The following PRKN variants were observed in gnomAD, a reference collection of about 807,000 sequenced individuals.
The protein encoded by PRKN is parkin RBR E3 ubiquitin protein ligase, also known as E3 ubiquitin-protein ligase parkin.
Under a neutral mutation model 59.5 loss-of-function variants are expected in PRKN, and 56 were observed. The ratio of observed to expected loss-of-function variants is 0.94; its 90% CI spans 0.76 to 1.18. The LOEUF (loss-of-function observed/expected upper bound fraction) is 1.18, where lower values mean the gene tolerates loss of function less well. Among genes scored for constraint, PRKN ranks in the 50% most tolerant of loss-of-function variants. The probability of loss-of-function intolerance (pLI) is 0.00; values close to 1 mark genes in which losing one functional copy is unlikely to be tolerated. For synonymous variants in PRKN, 250 were observed against 222.1 expected, an observed-to-expected ratio of 1.13 and a Z score of -1.12; for missense variants, 657 against 596.4, an observed-to-expected ratio of 1.10 and a Z score of -1.06.
rs1038286313 is a variant in PRKN, at chr6:161,730,625, G to A, written c.871+55147C>T. 4.0e-5 allele frequency among the ~76,000 whole-genome samples: 6 copies of A among 151,714 alleles called. 1 individual carries two copies. Among genetic ancestry groups the A allele is most frequent in the African/African-American group, 1.5e-4 (6 of 41,182 alleles). ...TTTCTGATACATCACATTCTGATGTGTTGCATTCTTTCTGATGTGTTGCCC... is the reference window on the plus strand; with the variant it reads ...TTTCTGATACATCACATTCTGATGTATTGCATTCTTTCTGATGTGTTGCCC... On this transcript the variant is annotated intron_variant, in intron 7 of 11. Coordinates refer to ENST00000366898, the MANE Select transcript of PRKN (RefSeq NM_004562.3).
At chr6:162,454,434 T>C (rs1790768068) in intron 1 of PRKN, among the ~76,000 whole-genome samples, 1 of 152,206 alleles carries the variant, frequency 6.6e-6, no homozygotes, top group African/African-American at 2.4e-5. Flanking sequence ...TCAGTTAATC[T>C]TCACAATAGC....
At chr6:162,006,858 G>A (rs7768986) in intron 5 of PRKN, among the ~76,000 whole-genome samples, 2 of 151,808 alleles carry the variant, frequency 1.3e-5, no homozygotes, top group Non-Finnish European at 2.9e-5. Context: ...GACATACTGC[G>A]CCCAATGAAC....
chr6:162,538,752 C>T (rs545920203), intron 1 of PRKN, among the ~76,000 whole-genome samples: 4 of 152,202 alleles, frequency 2.6e-5, no homozygotes, highest in South Asian at 2.1e-4. Context: ...AAAGCACTGT[C>T]GTCAGCAGAA....
intron 1 of PRKN, among the ~76,000 whole-genome samples, chr6:162,673,863 AGT>A (rs543665334): frequency 3.3e-5 from 5 of 152,348 alleles, no homozygotes; most frequent in African/African-American, 9.6e-5. Context: ...GGAAGGCGGC[AGT>A]GTTTAAAATG....
intron 1 of PRKN, among the ~76,000 whole-genome samples, chr6:162,549,927 G>A (rs920072785): frequency 2.0e-5 from 3 of 152,066 alleles, no homozygotes; most frequent in South Asian, 2.1e-4. Context: ...GTGAGCCACC[G>A]CACCCAGCCA....
chr6:162,321,642 T>C (rs1202947511), intron 2 of PRKN, among the ~76,000 whole-genome samples: 1 of 152,006 alleles, frequency 6.6e-6, no homozygotes, highest in Non-Finnish European at 1.5e-5. Flanking sequence ...TTCAACAATA[T>C]GTCAAATAAC....
intron 1 of PRKN, among the ~76,000 whole-genome samples, chr6:162,561,399 G>A (rs1463595784): frequency 1.3e-5 from 2 of 152,010 alleles, no homozygotes; most frequent in Non-Finnish European, 2.9e-5. Context: ...AGACAAGATG[G>A]TAGAATAGAA....
chr6:161,671,481 A>G (rs539996634), intron 7 of PRKN, among the ~76,000 whole-genome samples: 1 of 152,250 alleles, frequency 6.6e-6, no homozygotes, highest in East Asian at 1.9e-4. Flanking sequence ...TCAACATTTT[A>G]ATGCTCCATA....
intron 4 of PRKN, among the ~76,000 whole-genome samples, chr6:162,166,228 G>T (rs1473714662): frequency 6.6e-6 from 1 of 152,114 alleles, no homozygotes; most frequent in Non-Finnish European, 1.5e-5. Context: ...ATGAACGGTT[G>T]CTCCACACAA....
Position 162,387,531 on chromosome 6 carries a change from AAC to A in PRKN, c.171+55777_171+55778del, listed in dbSNP as rs1157932001. The stretch of plus-strand genomic sequence containing the variant: ...GTTTATTCTTATAAACCCTCCTCAC[AAC>A]ACACACACACACACACACACACAGA... On this transcript the variant is annotated intron_variant, in intron 2 of 11. Transcript: ENST00000366898. 1.4e-3 allele frequency among the ~76,000 whole-genome samples: 176 copies of A among 121,984 alleles called. 3 individuals are homozygous for A. Among genetic ancestry groups the A allele is most frequent in the Non-Finnish European group, 2.0e-3 (121 of 60,650 alleles). The allele number at this position is 121,984 out of a possible 152,430, so 80.0% of individuals were successfully genotyped here.
rs141546111 is a variant in PRKN at position 161,555,360 on chromosome 6, C to G, written c.934-6357G>C. Among the ~76,000 whole-genome samples, 494 of 152,256 alleles carry G rather than the reference C, an allele frequency of 3.2e-3. 1 individual carries two copies. Among genetic ancestry groups the G allele is most frequent in the African/African-American group, 0.012 (478 of 41,548 alleles). On this transcript the variant is annotated intron_variant, in intron 8 of 11. Coordinates refer to ENST00000366898, the MANE Select transcript of PRKN (RefSeq NM_004562.3). ...ACATTCGCTGCATCATTTTAATAGC[C>G]CTGTACGGGACTGAACCTTGCTTCT...
At chr6:162,725,367 C>T (rs1779105591) in intron 1 of PRKN, among the ~76,000 whole-genome samples, 1 of 152,180 alleles carries the variant, frequency 6.6e-6, no homozygotes. Flanking sequence ...CAAAACCCAT[C>T]ACTCCAAGGC....
At chr6:161,517,788 A>G (rs1388219834) in intron 9 of PRKN, among the ~76,000 whole-genome samples, 2 of 144,916 alleles carry the variant, frequency 1.4e-5, no homozygotes, top group Admixed American at 6.9e-5. Flanking sequence ...TAGTTGCACA[A>G]ACCTACCTGT....
intron 3 of PRKN, among the ~76,000 whole-genome samples, chr6:162,218,948 TG>T (rs1361341468): frequency 6.6e-6 from 1 of 152,086 alleles, no homozygotes; most frequent in Non-Finnish European, 1.5e-5. Flanking sequence ...CCAAGAAAGG[TG>T]GATCACTTGA....
chr6:161,902,560 A>ATC (rs1554245457), intron 6 of PRKN, among the ~76,000 whole-genome samples: 4 of 125,330 alleles, frequency 3.2e-5, no homozygotes, highest in Non-Finnish European at 6.5e-5. Flanking sequence ...TTATTTATTT[A>ATC]TTTATTTTTT....
At chr6:162,053,128 G>A (rs896559686) in intron 5 of PRKN, among the ~76,000 whole-genome samples, 3 of 152,130 alleles carry the variant, frequency 2.0e-5, no homozygotes, top group African/African-American at 4.8e-5. Context: ...AAATCTGTTC[G>A]TAGTCCCTAG....
chr6:162,129,512 T>C (rs1437607512), intron 4 of PRKN, among the ~76,000 whole-genome samples: 4 of 152,168 alleles, frequency 2.6e-5, no homozygotes, highest in Admixed American at 2.6e-4. Context: ...ATATATTCCT[T>C]AGTCAGCATG....
At chr6:162,703,364 CTCTT>C (rs765416097) in intron 1 of PRKN, among the ~76,000 whole-genome samples, 36 of 152,264 alleles carry the variant, frequency 2.4e-4, no homozygotes, top group Middle Eastern at 3.4e-3. Context: ...TATATACATT[CTCTT>C]TCTAATTCTT....
At chr6:161,808,141 C>T (rs535146513) in intron 6 of PRKN, among the ~76,000 whole-genome samples, 23 of 152,226 alleles carry the variant, frequency 1.5e-4, no homozygotes, top group African/African-American at 5.3e-4. Flanking sequence ...ATGATGAAGA[C>T]AGGAAGATTA....
Sources: gnomAD v4.1 joint callset for allele counts (sites outside exome capture counted in the v4.1 genomes callset) on GRCh38, gnomAD v4.1.1 for gene constraint, MANE v1.5 for transcripts, NCBI Gene and HGNC (gene_info 2026-07-23, HGNC 2026-07-21) for gene names.